POLR3GL: variants seen among roughly 807,000 people sequenced by gnomAD.
POLR3GL encodes DNA-directed RNA polymerase III subunit RPC7-like.
A neutral mutation model predicts 32.4 loss-of-function variants in POLR3GL; 26 were observed. That is an observed-to-expected ratio of 0.80 (90% CI 0.59 to 1.11). The LOEUF (loss-of-function observed/expected upper bound fraction) is 1.11, where lower values mean the gene tolerates loss of function less well. Among genes scored for constraint, POLR3GL ranks in the 50% most tolerant of loss-of-function variants. The pLI is 0.00. For synonymous variants in POLR3GL, 95 were observed against 98.7 expected, an observed-to-expected ratio of 0.96 and a Z score of 0.22; for missense variants, 229 against 280.1, an observed-to-expected ratio of 0.82 and a Z score of 1.30.
rs1437280164 is a variant in POLR3GL, at chr1:145,977,681, A to G, written c.383-97A>G. 6 of 1,348,048 alleles carry G rather than the reference A, an allele frequency of 4.5e-6. No homozygotes were observed. The African/African-American group carries it at 8.6e-5, about 19-fold the overall frequency. The allele number at this position is 1,348,048 out of a possible 1,614,324, so 83.5% of individuals were successfully genotyped here. ...TGTTGCTAGATGTCATAGTGGCCAC[A>G]TGAGGGCAGCAGAGTGACATGTTCT... On this transcript the variant is annotated intron_variant, in intron 5 of 7. Coordinates refer to ENST00000369314, the MANE Select transcript of POLR3GL (RefSeq NM_032305.3).
intron 1 of POLR3GL, among the ~76,000 whole-genome samples, chr1:145,973,261 G>A (rs1310014727): frequency 6.6e-6 from 1 of 152,066 alleles, no homozygotes; most frequent in East Asian, 1.9e-4. Flanking sequence ...AGCTGCCTCT[G>A]ACTGGTTCCT....
At chr1:145,966,627 A>C (rs1247343670) in intron 1 of POLR3GL, among the ~76,000 whole-genome samples, 1 of 151,940 alleles carries the variant, frequency 6.6e-6, no homozygotes, top group African/African-American at 2.4e-5. Context: ...CTCTACTAAA[A>C]CTACAAAAAA....
rs1553763811 is a variant in POLR3GL, at chr1:145,978,075, T to C, written c.549T>C (p.Tyr183=). 18 of 1,602,324 alleles carry C rather than the reference T, an allele frequency of 1.1e-5. No homozygotes were observed. Among genetic ancestry groups the C allele is most frequent in the Non-Finnish European group, 1.4e-5 (17 of 1,172,864 alleles). Residue 183 remains tyrosine, a synonymous_variant, in exon 7 of 8, where the codon TAT becomes TAC. Transcript: ENST00000369314. ...EEKEEEEEEE[Y]DEEEHEEETD... ...AGGAAGAGGAGGAAGAAGAAGAGTATGATGAAGAAGAACATGAAGAGGTGA... is the reference window on the plus strand; with the variant it reads ...AGGAAGAGGAGGAAGAAGAAGAGTACGATGAAGAAGAACATGAAGAGGTGA...
rs782297173 is a variant in POLR3GL, at chr1:145,978,408, TG to T, written c.620del (p.Gly207ValfsTer59). 14 of 1,612,126 alleles carry T rather than the reference TG, an allele frequency of 8.7e-6. No homozygotes were observed. The highest frequency in any genetic ancestry group is 1.1e-5 in the Non-Finnish European group (13 of 1,178,488). ...SYFDNGEDFG[G>X]DSDDNMDEAI... ...ATTTTGACAATGGAGAGGACTTTGGTGGTGACAGTGATGACAATATGGACGA... is the reference window on the plus strand; with the variant it reads ...ATTTTGACAATGGAGAGGACTTTGGTGTGACAGTGATGACAATATGGACGA... On this transcript the variant is annotated frameshift_variant, in exon 8 of 8. Coordinates refer to ENST00000369314, the MANE Select transcript of POLR3GL (RefSeq NM_032305.3). LOFTEE classifies it high-confidence loss of function.
chr1:145,973,905 A>G (rs1018298280), intron 1 of POLR3GL, among the ~76,000 whole-genome samples: 5 of 149,886 alleles, frequency 3.3e-5, no homozygotes, highest in African/African-American at 1.2e-4. Flanking sequence ...CTGTAATCCC[A>G]GCACTTTGGG....
chr1:145,977,954 G>A (rs782401568), intron 6 of POLR3GL, 29 bp from the exon 7 acceptor site: 19 of 1,613,790 alleles, frequency 1.2e-5, no homozygotes, highest in Non-Finnish European at 8.5e-7. Flanking sequence ...CTGAACCTGA[G>A]TTTCTATTCC....
Position 145,977,980 on chromosome 1 carries a change from G to A in POLR3GL, c.457-3G>A. 1 of 1,613,858 alleles carries A rather than the reference G, an allele frequency of 6.2e-7. No individual in the cohort carries two copies. The highest frequency in any genetic ancestry group is 8.5e-7 in the Non-Finnish European group (1 of 1,179,894). ...TTTCTATTCCTATTCATCCCCACATGAGACCCTGGAGAAGAAGGAAGAAGA... is the reference window on the plus strand; with the variant it reads ...TTTCTATTCCTATTCATCCCCACATAAGACCCTGGAGAAGAAGGAAGAAGA... On this transcript the variant is annotated splice_polypyrimidine_tract_variant and splice_region_variant and intron_variant, in intron 6 of 7. Transcript: ENST00000369314.
intron 1 of POLR3GL, among the ~76,000 whole-genome samples, chr1:145,966,941 A>G (rs1271875583): frequency 2.6e-5 from 4 of 152,120 alleles, no homozygotes; most frequent in African/African-American, 7.2e-5. Context: ...CTGTGACTGT[A>G]TATCTGTTGA....
At position 145,974,946 on chromosome 1, in the gene POLR3GL, G is replaced by T; in HGVS notation, c.81G>T (p.Gly27=). The part of the protein sequence containing the change: ...FNVEAVGIGK[G]DALPPPTLQP... ...TGGAGGCCGTGGGCATTGGGAAAGG[G>T]GATGCTTTGCCCCCACCCACCCTGC... The change falls in exon 2 of 8, where the codon GGG becomes GGT. Residue 27 remains glycine (G), a synonymous_variant. Transcript: ENST00000369314. 6.6e-7 allele frequency: 1 copy of T among 1,519,364 alleles called. No individual in the cohort carries two copies. 94.1% of individuals were successfully genotyped at this position (1,519,364 alleles called of 1,614,324 possible). A position where few individuals can be genotyped will look rare whatever the true frequency, so the allele number is the denominator to read the frequency against.
At chr1:145,970,289 G>C (rs1278679981) in intron 1 of POLR3GL, among the ~76,000 whole-genome samples, 2 of 151,984 alleles carry the variant, frequency 1.3e-5, no homozygotes, top group Non-Finnish European at 2.9e-5. Flanking sequence ...GGGACTACTG[G>C]CATGTGCCAC....
At chr1:145,969,483 C>T (rs987401912) in intron 1 of POLR3GL, among the ~76,000 whole-genome samples, 10 of 149,712 alleles carry the variant, frequency 6.7e-5, no homozygotes, top group Admixed American at 4.0e-4. Context: ...AGGATGTTCT[C>T]GATCCCTTGA....
intron 1 of POLR3GL, among the ~76,000 whole-genome samples, chr1:145,966,287 C>G (rs1056908454): frequency 1.3e-5 from 2 of 149,662 alleles, no homozygotes; most frequent in Admixed American, 6.7e-5. Flanking sequence ...CAAGACCAGT[C>G]TAGGCAACAT....
chr1:145,976,686 A>G (rs898155403), intron 3 of POLR3GL, among the ~76,000 whole-genome samples: 151,724 of 151,750 alleles, frequency 1, 75,849 homozygotes, highest in Middle Eastern at 1. Context: ...AGGCCGAGGT[A>G]GGTGGATCAC....
intron 1 of POLR3GL, among the ~76,000 whole-genome samples, chr1:145,971,964 C>CAAA (rs1187495263): frequency 6.1e-4 from 28 of 45,580 alleles, no homozygotes; most frequent in South Asian, 1.2e-3. Context: ...GACTCTGTCT[C>CAAA]AAAAAAAAAA....
At chr1:145,970,079 C>T (rs187861297) in intron 1 of POLR3GL, among the ~76,000 whole-genome samples, 13 of 152,188 alleles carry the variant, frequency 8.5e-5, no homozygotes, top group African/African-American at 2.2e-4. Flanking sequence ...AGATTACCTT[C>T]TACATATTAT....
intron 1 of POLR3GL, among the ~76,000 whole-genome samples, chr1:145,971,390 G>A (rs1379485891): frequency 2.0e-5 from 3 of 150,856 alleles, no homozygotes; most frequent in African/African-American, 7.4e-5. Flanking sequence ...TAAGTGTGAC[G>A]GGTTTCTCAG....
intron 7 of POLR3GL, 93 bp downstream of exon 7, chr1:145,978,189 A>C: frequency 6.6e-7 from 1 of 1,524,370 alleles, no homozygotes; most frequent in Non-Finnish European, 8.9e-7. Context: ...CAACAGAGAT[A>C]GTGCCCCCCA....
chr1:145,975,544 G>A, intron 3 of POLR3GL, 108 bp downstream of exon 3: 1 of 1,288,632 alleles, frequency 7.8e-7, no homozygotes. Flanking sequence ...ATCTAACTGG[G>A]GAGATCATAA....
rs1185761429 is a variant in POLR3GL at position 145,978,027 on chromosome 1, G to A, written c.501G>A (p.Glu167=). 6.2e-7 allele frequency: 1 copy of A among 1,608,110 alleles called. No homozygotes were observed. Among genetic ancestry groups the A allele is most frequent in the Non-Finnish European group, 8.5e-7 (1 of 1,174,884 alleles). ...AAGAAGTAACTTCAGAGGAGGATGA[G>A]GAGAAAGAAGAAGAAGAAGAGAAGG... ...KEEEVTSEED[E]EKEEEEEKEE... is the part of the protein sequence containing the mutation. Residue 167 remains glutamate, a synonymous_variant, in exon 7 of 8, where the codon GAG becomes GAA. Transcript: ENST00000369314.
Sources: gnomAD v4.1 joint callset for allele counts (sites outside exome capture counted in the v4.1 genomes callset) on GRCh38, gnomAD v4.1.1 for gene constraint, MANE v1.5 for transcripts, NCBI Gene and HGNC (gene_info 2026-07-23, HGNC 2026-07-21) for gene names.